The following DNAH8 variants were observed in gnomAD, a reference collection of about 807,000 sequenced individuals.
DNAH8 encodes the protein axonemal beta dynein heavy chain 8.
A neutral mutation model predicts 562.1 loss-of-function variants in DNAH8; 382 were observed. The ratio of observed to expected loss-of-function variants is 0.68; its 90% confidence interval spans 0.63 to 0.74. The LOEUF is 0.74. Ranked by LOEUF, DNAH8 falls within the 30% of genes least tolerant of loss-of-function variation. The pLI is 0.00. For synonymous variants in DNAH8, 1,881 were observed against 1,919.4 expected, an observed-to-expected ratio of 0.98 and a Z score of 0.52; for missense variants, 5,203 against 5,620.4, an observed-to-expected ratio of 0.93 and a Z score of 2.37.
intron 48 of DNAH8, among the ~76,000 whole-genome samples, chr6:38,870,111 A>AT (rs1777353952): frequency 6.6e-6 from 1 of 152,172 alleles, no homozygotes; most frequent in Non-Finnish European, 1.5e-5. Context: ...ATTCACTATC[A>AT]TAAGAACAGC....
chr6:38,728,915 G>A (rs11755881), intron 3 of DNAH8, among the ~76,000 whole-genome samples: 11,909 of 152,200 alleles, frequency 0.078, 599 homozygotes, highest in Admixed American at 0.12. Flanking sequence ...TAAATTAAGA[G>A]ATACTCATGG....
intron 1 of DNAH8, among the ~76,000 whole-genome samples, chr6:38,720,789 C>A (rs1003828021): frequency 6.6e-6 from 1 of 151,900 alleles, no homozygotes; most frequent in Non-Finnish European, 1.5e-5. Flanking sequence ...ATATGTGAAC[C>A]CTCTCACCAA....
At chr6:38,955,984 C>A (rs1762218639) in intron 82 of DNAH8, among the ~76,000 whole-genome samples, 1 of 152,216 alleles carries the variant, frequency 6.6e-6, no homozygotes, top group African/African-American at 2.4e-5. Context: ...GAGCCTGCAA[C>A]TAAAACCAAC....
intron 58 of DNAH8, among the ~76,000 whole-genome samples, chr6:38,894,083 A>G (rs909879088): frequency 2.0e-5 from 3 of 152,308 alleles, no homozygotes; most frequent in East Asian, 3.9e-4. Flanking sequence ...ATCTATTACT[A>G]TACGTATAGC....
At chr6:38,983,978 A>G (rs1357413952) in intron 86 of DNAH8, among the ~76,000 whole-genome samples, 2 of 152,188 alleles carry the variant, frequency 1.3e-5, no homozygotes, top group Non-Finnish European at 2.9e-5. Flanking sequence ...TATACGTGCA[A>G]TATACTTACC....
chr6:38,982,154 C>T (rs1302171706), intron 85 of DNAH8, among the ~76,000 whole-genome samples, 192 bp from the exon 86 acceptor site: 2 of 152,190 alleles, frequency 1.3e-5, no homozygotes, highest in African/African-American at 4.8e-5. Flanking sequence ...GAGGAAATTG[C>T]TTAATGATGC....
At chr6:38,795,343 G>C (rs890898369) in intron 21 of DNAH8, among the ~76,000 whole-genome samples, 1 of 152,164 alleles carries the variant, frequency 6.6e-6, no homozygotes, top group Non-Finnish European at 1.5e-5. Flanking sequence ...ACTTTGGGAG[G>C]CCGAGGCAGG....
At chr6:39,024,527 G>A (rs1767143049) in intron 91 of DNAH8, among the ~76,000 whole-genome samples, 1 of 152,136 alleles carries the variant, frequency 6.6e-6, no homozygotes, top group South Asian at 2.1e-4. Flanking sequence ...TGGGAGCCTG[G>A]ATGTTTAAAA....
chr6:38,964,923 G>A (rs1280472512), intron 82 of DNAH8, among the ~76,000 whole-genome samples: 1 of 152,028 alleles, frequency 6.6e-6, no homozygotes, highest in African/African-American at 2.4e-5. Context: ...AATTAGTCGG[G>A]CGTGGTGGCA....
At chr6:38,903,657 G>A (rs2150513491) in intron 62 of DNAH8, among the ~76,000 whole-genome samples, 1 of 139,964 alleles carries the variant, frequency 7.1e-6, no homozygotes, top group East Asian at 2.1e-4. Flanking sequence ...CTGTCACACA[G>A]GCTGGAGTGC....
intron 4 of DNAH8, 144 bp from the exon 5 acceptor site, chr6:38,734,330 C>CA: frequency 4.1e-6 from 3 of 738,250 alleles, no homozygotes; most frequent in Non-Finnish European, 5.7e-6. Flanking sequence ...TAGTAGACCC[C>CA]CCCCCAAAAA....
intron 11 of DNAH8, among the ~76,000 whole-genome samples, chr6:38,766,818 T>C (rs1767053748): frequency 2.6e-5 from 4 of 152,114 alleles, no homozygotes; most frequent in Admixed American, 2.6e-4. Context: ...ACCTTAAATA[T>C]ATATAATTTT....
intron 31 of DNAH8, among the ~76,000 whole-genome samples, chr6:38,833,285 G>C (rs1347813508): frequency 6.6e-6 from 1 of 151,088 alleles, no homozygotes; most frequent in African/African-American, 2.4e-5. Context: ...TTGATTTGCT[G>C]CCTCATTCTA....
At chr6:38,840,187 ATTCTGACTT>A (rs1241364366) in intron 33 of DNAH8, among the ~76,000 whole-genome samples, 3 of 152,200 alleles carry the variant, frequency 2.0e-5, no homozygotes, top group Non-Finnish European at 2.9e-5. Context: ...CTTATCATTA[ATTCTGACTT>A]TTCTTGCACT....
chr6:38,720,120 T>A (rs1417723579), intron 1 of DNAH8, among the ~76,000 whole-genome samples: 1 of 152,142 alleles, frequency 6.6e-6, no homozygotes, highest in Non-Finnish European at 1.5e-5. Flanking sequence ...CTCCCAGTCT[T>A]ACGGTTTCTC....
chr6:38,902,248 A>T (rs1433660496), intron 62 of DNAH8, among the ~76,000 whole-genome samples: 1 of 152,158 alleles, frequency 6.6e-6, no homozygotes, highest in East Asian at 1.9e-4. Flanking sequence ...CAATTCTTAG[A>T]GATTCAAACA....
intron 82 of DNAH8, among the ~76,000 whole-genome samples, chr6:38,956,359 A>G (rs1479017206): frequency 6.6e-6 from 1 of 152,176 alleles, no homozygotes; most frequent in Non-Finnish European, 1.5e-5. Flanking sequence ...CTCTTCAGCC[A>G]TCATCCTCCA....
intron 5 of DNAH8, 33 bp from the exon 6 acceptor site, chr6:38,737,034 A>C (rs578153848): frequency 2.7e-6 from 4 of 1,458,844 alleles, no homozygotes; most frequent in Non-Finnish European, 3.6e-6. Context: ...TGGGATTAGC[A>C]TGTAAAATAA....
At chr6:38,929,733 TAAGA>T in intron 75 of DNAH8, 67 bp downstream of exon 75, 6 of 1,362,256 alleles carry the variant, frequency 4.4e-6, no homozygotes, top group Non-Finnish European at 5.8e-6. Flanking sequence ...AGAAAAAAAT[TAAGA>T]AAGAGAAAGA....
Sources: gnomAD v4.1 joint callset for allele counts (sites outside exome capture counted in the v4.1 genomes callset) on GRCh38, gnomAD v4.1.1 for gene constraint, MANE v1.5 for transcripts, NCBI Gene and HGNC (gene_info 2026-07-23, HGNC 2026-07-21) for gene names.